The following NAPB variants were observed in gnomAD, a reference collection of about 807,000 sequenced individuals.
The protein encoded by NAPB is NSF attachment protein beta.
In NAPB, 26 loss-of-function variants were observed where a neutral mutation model predicts 44.7. That is an observed-to-expected ratio of 0.58 (90% CI 0.43 to 0.81). NAPB has a LOEUF of 0.81. Among genes scored for constraint, NAPB ranks in the 30% least tolerant of loss-of-function variants. The pLI is 0.00. For missense variants in NAPB, 315 were observed against 356.4 expected, an observed-to-expected ratio of 0.88 and a Z score of 0.94; for synonymous variants, 120 against 116.8, an observed-to-expected ratio of 1.03 and a Z score of -0.18.
chr20:23,388,421 C>T (rs986016178), intron 7 of NAPB, among the ~76,000 whole-genome samples: 2 of 152,046 alleles, frequency 1.3e-5, no homozygotes, highest in South Asian at 2.1e-4. Flanking sequence ...TCCTAATATT[C>T]GGATGAAAAT....
intron 4 of NAPB, 31 bp from the exon 5 acceptor site, chr20:23,395,030 C>A: frequency 6.2e-7 from 1 of 1,613,154 alleles, no homozygotes; most frequent in Non-Finnish European, 8.5e-7. Flanking sequence ...CAGTCACACA[C>A]CGATTTTACC....
chr20:23,419,300 ATGG>A (rs1407784578), intron 1 of NAPB, among the ~76,000 whole-genome samples: 1 of 152,230 alleles, frequency 6.6e-6, no homozygotes, highest in African/African-American at 2.4e-5. Flanking sequence ...CTGAGTGTGA[ATGG>A]TGAAGATTCG....
At position 23,421,449 on chromosome 20, in the gene NAPB, G is replaced by T. The variant is rs778145007; in HGVS notation, c.-47C>A. 3 of 1,510,932 alleles carry T rather than the reference G, an allele frequency of 2.0e-6. No individual in the cohort carries two copies. The highest frequency in any genetic ancestry group is 2.4e-5 in the South Asian group (2 of 82,432). 93.6% of individuals were successfully genotyped at this position (1,510,932 alleles called of 1,614,324 possible). A position where few individuals can be genotyped will look rare whatever the true frequency, so the allele number is the denominator to read the frequency against. On this transcript the variant is annotated 5_prime_UTR_variant, in exon 1 of 11. Transcript: ENST00000377026. The stretch of plus-strand genomic sequence containing the variant: ...AGCCCCCTCAGCCGGCTCGCTGTGC[G>T]CCCAGGCGCCTTAACCCTCCCTCTG...
intron 7 of NAPB, among the ~76,000 whole-genome samples, chr20:23,382,467 A>G (rs2123137616): frequency 6.6e-6 from 1 of 152,316 alleles, no homozygotes; most frequent in South Asian, 2.1e-4. Context: ...TTAACAGATG[A>G]TGGTTCCAGA....
At chr20:23,395,077 A>C (rs1044231543) in intron 4 of NAPB, 62 bp downstream of exon 4, 3 of 1,612,336 alleles carry the variant, frequency 1.9e-6, no homozygotes, top group African/African-American at 1.3e-5. Context: ...AAAAAGAAAG[A>C]TAGAACTCTA....
At chr20:23,404,027 A>C (rs1426376021) in intron 1 of NAPB, among the ~76,000 whole-genome samples, 1 of 152,160 alleles carries the variant, frequency 6.6e-6, no homozygotes, top group Non-Finnish European at 1.5e-5. Context: ...TGTTGCTTGG[A>C]CATATACAGT....
intron 7 of NAPB, among the ~76,000 whole-genome samples, chr20:23,382,054 T>C (rs1983048911): frequency 6.6e-6 from 1 of 152,150 alleles, no homozygotes; most frequent in African/African-American, 2.4e-5. Context: ...GCATCCTGTC[T>C]CTGTCAAGCA....
intron 9 of NAPB, 137 bp downstream of exon 9, chr20:23,379,730 A>G: frequency 1.4e-6 from 1 of 710,496 alleles, no homozygotes; most frequent in Non-Finnish European, 2.4e-6. Context: ...CACCTATAAT[A>G]CGAAAGCAGG....
At chr20:23,415,914 A>C (rs1354868172) in intron 1 of NAPB, among the ~76,000 whole-genome samples, 2 of 152,086 alleles carry the variant, frequency 1.3e-5, no homozygotes, top group Admixed American at 6.6e-5. Context: ...TGAAGTGAGC[A>C]GATATCTCGC....
At chr20:23,396,948 C>A in intron 3 of NAPB, 124 bp downstream of exon 3, 1 of 1,054,734 alleles carries the variant, frequency 9.5e-7, no homozygotes, top group South Asian at 3.0e-5. Context: ...TCTATTATTC[C>A]AAAATACAAA....
intron 1 of NAPB, among the ~76,000 whole-genome samples, chr20:23,412,321 C>G (rs1313200127): frequency 6.6e-6 from 1 of 152,162 alleles, no homozygotes; most frequent in Admixed American, 6.5e-5. Context: ...AGGTAACAGA[C>G]AGCATGTATG....
chr20:23,392,338 A>G (rs6048775), intron 5 of NAPB, among the ~76,000 whole-genome samples: 35 of 152,288 alleles, frequency 2.3e-4, no homozygotes, highest in African/African-American at 7.5e-4. Flanking sequence ...GAACCATAGT[A>G]CACCTGTTCT....
At chr20:23,393,363 C>T (rs1033554144) in intron 5 of NAPB, among the ~76,000 whole-genome samples, 4 of 152,108 alleles carry the variant, frequency 2.6e-5, no homozygotes, top group African/African-American at 9.7e-5. Flanking sequence ...AAATTTTGTG[C>T]TGAATAACCA....
At chr20:23,404,308 G>C (rs1414998564) in intron 1 of NAPB, among the ~76,000 whole-genome samples, 1 of 152,196 alleles carries the variant, frequency 6.6e-6, no homozygotes, top group Non-Finnish European at 1.5e-5. Context: ...AGGACTCAGA[G>C]ACAGGACAGG....
intron 7 of NAPB, 116 bp from the exon 8 acceptor site, chr20:23,381,433 G>A: frequency 4.9e-6 from 3 of 613,002 alleles, no homozygotes; most frequent in South Asian, 4.7e-5. Flanking sequence ...GTTTAGCTAT[G>A]AAATATATTA....
At chr20:23,419,649 C>T (rs976566538) in intron 1 of NAPB, among the ~76,000 whole-genome samples, 1 of 152,182 alleles carries the variant, frequency 6.6e-6, no homozygotes, top group Non-Finnish European at 1.5e-5. Context: ...TGAATCAAAA[C>T]ATTTAAAAGG....
intron 1 of NAPB, among the ~76,000 whole-genome samples, chr20:23,405,423 CATA>C (rs1985176009): frequency 6.6e-6 from 1 of 151,860 alleles, no homozygotes; most frequent in African/African-American, 2.4e-5. Flanking sequence ...CAGCATTAAT[CATA>C]ATAGCTAAAA....
In NAPB at chr20:23,375,930, G is replaced by C. The variant is rs1238264813; in HGVS notation, c.*1446C>G. 6.6e-6 allele frequency: 1 copy of C among 152,188 alleles called. No homozygotes were observed. The highest frequency in any genetic ancestry group is 1.5e-5 in the Non-Finnish European group (1 of 68,118). 9.4% of individuals were successfully genotyped at this position (152,188 alleles called of 1,614,324 possible). On this transcript the variant is annotated 3_prime_UTR_variant, in exon 11 of 11. Coordinates refer to ENST00000377026, the MANE Select transcript of NAPB (RefSeq NM_022080.3). ...GCTACTTTCTCTTTCTTCCTAGACTGACCTACTCATCATTTCTCAAACAAC... is the reference window on the plus strand; with the variant it reads ...GCTACTTTCTCTTTCTTCCTAGACTCACCTACTCATCATTTCTCAAACAAC...
At position 23,376,008 on chromosome 20, in the gene NAPB, A is replaced by G. The variant is rs1982486226; in HGVS notation, c.*1368T>C. On this transcript the variant is annotated 3_prime_UTR_variant, in exon 11 of 11. Coordinates refer to ENST00000377026, the MANE Select transcript of NAPB (RefSeq NM_022080.3). ...CTACCAATTCCAGTTGAGAGCCACC[A>G]AAAATGAAAACATCATTCCAATACT... 6.6e-6 allele frequency: 1 copy of G among 152,260 alleles called. No individual in the cohort carries two copies. The highest frequency in any genetic ancestry group is 2.1e-4 in the South Asian group (1 of 4,830). 9.4% of individuals were successfully genotyped at this position (152,260 alleles called of 1,614,324 possible). A position where few individuals can be genotyped will look rare whatever the true frequency, so the allele number is the denominator to read the frequency against.
Sources: allele counts gnomAD v4.1 joint callset (sites outside exome capture counted in the v4.1 genomes callset), GRCh38; gene constraint gnomAD v4.1.1; transcripts MANE v1.5; gene names NCBI Gene and HGNC (gene_info 2026-07-23, HGNC 2026-07-21).